The following RBFOX1 variants were observed in gnomAD, a reference collection of about 807,000 sequenced individuals.
RBFOX1 encodes the protein RNA binding protein fox-1 homolog 1.
In RBFOX1, 8 loss-of-function variants were observed where a neutral mutation model predicts 57.7. The observed-to-expected ratio is 0.14, with a 90% CI of 0.08 to 0.25. The LOEUF is 0.25. Ranked by LOEUF, RBFOX1 falls within the 10% of genes least tolerant of loss-of-function variation. The pLI is 1.00. For synonymous variants in RBFOX1, 326 were observed against 222.4 expected (o/e 1.47, Z -4.15); for missense variants, 611 against 548.5 (o/e 1.11, Z -1.14).
chr16:7,659,704 C>G (rs2067217406), intron 12 of RBFOX1, among the ~76,000 whole-genome samples: 2 of 152,224 alleles, frequency 1.3e-5, no homozygotes, highest in South Asian at 2.1e-4. Context: ...GCGGTTTGGA[C>G]AAGCTGCCTT....
chr16:7,397,961 C>A lies in RBFOX1; in HGVS notation c.28-120186C>A, dbSNP rs8058703. Among the ~76,000 whole-genome samples the A allele has an allele frequency of 7.5e-3, 1,140 of 152,218 alleles. 13 individuals carry two copies. Among genetic ancestry groups the A allele is most frequent in the African/African-American group, 0.026 (1,089 of 41,542 alleles). On this transcript the variant is annotated intron_variant, in intron 4 of 15. Transcript: ENST00000550418. ...TTCTCGGCTCAGTGAACAATGCAAGCTTTATGTTATAAACCACCAAGACAT... is the reference window on the plus strand; with the variant it reads ...TTCTCGGCTCAGTGAACAATGCAAGATTTATGTTATAAACCACCAAGACAT...
At chr16:5,291,755 G>T (rs937765715) in intron 1 of RBFOX1, among the ~76,000 whole-genome samples, 16 of 152,142 alleles carry the variant, frequency 1.1e-4, no homozygotes, top group African/African-American at 3.4e-4. Context: ...CTTGGTTTAT[G>T]GTGGTGTCAG....
intron 2 of RBFOX1, among the ~76,000 whole-genome samples, chr16:6,379,681 C>CAA (rs5815304): frequency 4.1e-4 from 40 of 96,472 alleles, no homozygotes; most frequent in Non-Finnish European, 5.0e-4. Context: ...ATTTAGCTAC[C>CAA]AAAAAAAAAA....
At chr16:5,502,748 A>T (rs777110419) in intron 2 of RBFOX1, among the ~76,000 whole-genome samples, 1 of 152,200 alleles carries the variant, frequency 6.6e-6, no homozygotes, top group African/African-American at 2.4e-5. Context: ...CAGAGTCTGC[A>T]GTGCACCAGA....
chr16:7,273,042 C>T (rs1461102881), intron 4 of RBFOX1, among the ~76,000 whole-genome samples: 2 of 130,032 alleles, frequency 1.5e-5, no homozygotes, highest in East Asian at 4.7e-4. Flanking sequence ...CTTTCCTTCC[C>T]CTCCCTTCCC....
At chr16:6,520,686 A>C (rs1412612424) in intron 2 of RBFOX1, among the ~76,000 whole-genome samples, 1 of 152,202 alleles carries the variant, frequency 6.6e-6, no homozygotes, top group Non-Finnish European at 1.5e-5. Context: ...GGGCCTCAGC[A>C]GCAGGAACCC....
chr16:7,417,415 C>T (rs956546165), intron 4 of RBFOX1, among the ~76,000 whole-genome samples: 4 of 151,052 alleles, frequency 2.6e-5, no homozygotes, highest in Non-Finnish European at 5.9e-5. Context: ...TCCTGTTCCC[C>T]CAGTTTCCCC....
chr16:7,008,334 G>A (rs1413370534), intron 3 of RBFOX1, among the ~76,000 whole-genome samples: 3 of 152,078 alleles, frequency 2.0e-5, no homozygotes, highest in Non-Finnish European at 4.4e-5. Context: ...CTGAGGCCAG[G>A]AGTTTGAGAC....
At chr16:6,513,322 TCTC>T (rs765677528) in intron 2 of RBFOX1, among the ~76,000 whole-genome samples, 4 of 152,190 alleles carry the variant, frequency 2.6e-5, no homozygotes, top group East Asian at 1.9e-4. Flanking sequence ...TCTGTCAGCT[TCTC>T]CTCCTTGTTG....
At chr16:7,209,180 A>G (rs1469491581) in intron 4 of RBFOX1, among the ~76,000 whole-genome samples, 1 of 132,602 alleles carries the variant, frequency 7.5e-6, no homozygotes, top group Non-Finnish European at 1.6e-5. Flanking sequence ...AATAATAATA[A>G]TAATAATTGC....
chr16:7,488,900 T>C lies in RBFOX1; in HGVS notation c.28-29247T>C, dbSNP rs79346385. On this transcript the variant is annotated intron_variant, in intron 4 of 15. Transcript: ENST00000550418. ...TCTACTGTCATTTTATCATTATGTT[T>C]GTCTATACGTTCATCAATCCATCAG... 2.4e-3 allele frequency among the ~76,000 whole-genome samples: 373 copies of C among 152,380 alleles called. 2 individuals are homozygous for C. Among genetic ancestry groups the C allele is most frequent in the African/African-American group, 8.6e-3 (359 of 41,598 alleles).
chr16:6,007,037 G>A (rs1424128), intron 4 of RBFOX1, among the ~76,000 whole-genome samples: 108,759 of 151,816 alleles, frequency 0.72, 39,303 homozygotes, highest in East Asian at 0.85. Context: ...CTTTTCTTCC[G>A]TATCTCTGCC....
chr16:7,001,791 G>A (rs1347513543), intron 3 of RBFOX1, among the ~76,000 whole-genome samples: 1 of 152,052 alleles, frequency 6.6e-6, no homozygotes, highest in Admixed American at 6.6e-5. Flanking sequence ...TCAGAACCAG[G>A]AGGCAGCTCA....
intron 2 of RBFOX1, among the ~76,000 whole-genome samples, chr16:6,609,270 C>T (rs1230485960): frequency 6.6e-6 from 1 of 152,154 alleles, no homozygotes; most frequent in South Asian, 2.1e-4. Flanking sequence ...GTTCTTAGCA[C>T]AGTGGCTGGG....
intron 2 of RBFOX1, among the ~76,000 whole-genome samples, chr16:6,540,660 G>T (rs4786880): frequency 0.4 from 59,356 of 146,590 alleles, 13,137 homozygotes; most frequent in Non-Finnish European, 0.5. Context: ...TCTCTGTACA[G>T]ACGTTTCAAG....
rs2048726129 is a variant in RBFOX1, at chr16:5,637,624, G to C, written c.318+38663G>C. On this transcript the variant is annotated intron_variant, in intron 3 of 19. Transcript: ENST00000641259. ...ATAACAAGTTACCCTTTTGTGCCTT[G>C]GGTTTTTCAAGGCCCTGACACCATT... Among the ~76,000 whole-genome samples, 9 of 152,132 alleles carry C rather than the reference G, an allele frequency of 5.9e-5. No homozygotes were observed. The South Asian group carries it at 1.9e-3, about 32-fold the overall frequency.
At chr16:6,118,875 C>T (rs1031461819) in intron 1 of RBFOX1, among the ~76,000 whole-genome samples, 7 of 151,848 alleles carry the variant, frequency 4.6e-5, no homozygotes, top group African/African-American at 1.5e-4. Context: ...CATGAGGGCT[C>T]TTGTCCCATG....
intron 3 of RBFOX1, among the ~76,000 whole-genome samples, chr16:5,720,305 A>G (rs985900881): frequency 1.3e-5 from 2 of 152,100 alleles, no homozygotes; most frequent in African/African-American, 4.8e-5. Flanking sequence ...AGAGTTGTTT[A>G]TATGTTGTGG....
intron 4 of RBFOX1, among the ~76,000 whole-genome samples, chr16:7,286,938 A>T (rs533274818): frequency 6.6e-6 from 1 of 152,200 alleles, no homozygotes; most frequent in Non-Finnish European, 1.5e-5. Context: ...CCTGGGCTTC[A>T]AACTTTAAAG....
Sources: allele counts gnomAD v4.1 joint callset (sites outside exome capture counted in the v4.1 genomes callset), GRCh38; gene constraint gnomAD v4.1.1; transcripts MANE v1.5; gene names NCBI Gene and HGNC (gene_info 2026-07-23, HGNC 2026-07-21).